Variants in PLXNA2 observed in about 807,000 individuals in gnomAD.
The protein encoded by PLXNA2 is plexin-A2.
Under a neutral mutation model 193.5 loss-of-function variants are expected in PLXNA2, and 91 were observed. That is an observed-to-expected ratio of 0.47 (90% CI 0.40 to 0.56). The LOEUF is 0.56. Ranked by LOEUF, PLXNA2 falls within the 20% of genes least tolerant of loss-of-function variation. The pLI, the probability that PLXNA2 is intolerant of heterozygous loss-of-function variation, is 0.00. For missense variants in PLXNA2, 1,995 were observed against 2,503.2 expected (o/e 0.80, Z 4.33); for synonymous variants, 997 against 1,027.3 (o/e 0.97, Z 0.56).
At position 208,023,755 on chromosome 1, in the gene PLXNA2, G is replaced by T. The variant is rs1048181647; in HGVS notation, c.*3488C>A. 1 of 152,192 alleles carries T rather than the reference G, an allele frequency of 6.6e-6. No homozygotes were observed. Among genetic ancestry groups the T allele is most frequent in the Non-Finnish European group, 1.5e-5 (1 of 68,058 alleles). The allele number at this position is 152,192 out of a possible 1,614,324, so 9.4% of individuals were successfully genotyped here. A position where few individuals can be genotyped will look rare whatever the true frequency, so the allele number is the denominator to read the frequency against. ...CCAGCTTCCTGAAGGATATAAATTCGCTGGAAGAAAGACCTTGGTTTTGTT... is the reference window on the plus strand; with the variant it reads ...CCAGCTTCCTGAAGGATATAAATTCTCTGGAAGAAAGACCTTGGTTTTGTT... On this transcript the variant is annotated 3_prime_UTR_variant, in exon 32 of 32. Coordinates refer to ENST00000367033, the MANE Select transcript of PLXNA2 (RefSeq NM_025179.4).
At position 208,079,429 on chromosome 1, in the gene PLXNA2, G is replaced by C. The variant is rs1666261424; in HGVS notation, c.2417C>G (p.Ala806Gly). Residue 806 changes from alanine (A) to glycine (G), a missense_variant, in exon 12 of 32, where the codon GCC (alanine) becomes GGC (glycine). This residue lies in a region of PLXNA2 where 1,291 missense variants were observed against 1,673.6 expected (regional missense o/e 0.77). Transcript: ENST00000367033. The part of the protein sequence containing the change: ...DLKVHLYKCA[A>G]QRESCGLCLK... ...GCAGAGGCCGCAGCTCTCCCGCTGG[G>C]CTGCACACTTGTAGAGATGGACTGC... 1 of 1,605,252 alleles carries C rather than the reference G, an allele frequency of 6.2e-7. No homozygotes were observed. Among genetic ancestry groups the C allele is most frequent in the African/African-American group, 1.3e-5 (1 of 74,766 alleles).
At chr1:208,218,054 C>A in intron 1 of PLXNA2, 52 bp from the exon 2 acceptor site, 2 of 1,496,280 alleles carry the variant, frequency 1.3e-6, no homozygotes, top group Non-Finnish European at 1.8e-6. Flanking sequence ...CCGGGAGGAG[C>A]AAAGAGGCTG....
chr1:208,112,527 G>T (rs1667513545), intron 4 of PLXNA2, among the ~76,000 whole-genome samples: 1 of 152,228 alleles, frequency 6.6e-6, no homozygotes, highest in African/African-American at 2.4e-5. Context: ...GTGCTCAATA[G>T]TGGTAGTTAC....
At chr1:208,096,943 TCCAGCC>T in intron 6 of PLXNA2, 60 bp from the exon 7 acceptor site, 1 of 1,536,316 alleles carries the variant, frequency 6.5e-7, no homozygotes, top group Non-Finnish European at 8.8e-7. Flanking sequence ...GGACTCCAGG[TCCAGCC>T]CTGCTGTGAC....
chr1:208,028,801 C>T lies in PLXNA2; in HGVS notation c.5438+29G>A, dbSNP rs375811905. On this transcript the variant is annotated intron_variant, in intron 30 of 31. Transcript: ENST00000367033. This position sits in a 1 kb window ranked among gnomAD's most constrained non-coding sequence, Gnocchi z 4.2. ...CGGGGAATGGGCAGGGAGACAAGGG[C>T]ATGGGCCTGTCCTGAGGGTGCTACT... 2.5e-6 allele frequency: 4 copies of T among 1,594,958 alleles called. No homozygotes were observed. In the African/African-American group the frequency reaches 4.0e-5, roughly 16 times the overall value.
chr1:208,064,436 G>C (rs1423323374), intron 12 of PLXNA2, among the ~76,000 whole-genome samples: 1 of 152,112 alleles, frequency 6.6e-6, no homozygotes, highest in Non-Finnish European at 1.5e-5. Context: ...TACCCCTTCT[G>C]CCACACTTTC....
intron 3 of PLXNA2, among the ~76,000 whole-genome samples, chr1:208,177,296 C>T (rs1023285767): frequency 2.0e-5 from 3 of 152,026 alleles, no homozygotes; most frequent in African/African-American, 7.2e-5. Flanking sequence ...CAGATACTCA[C>T]CAAGCAGAGG....
intron 4 of PLXNA2, among the ~76,000 whole-genome samples, chr1:208,134,836 T>C (rs974084771): frequency 1.3e-5 from 2 of 152,230 alleles, no homozygotes; most frequent in Non-Finnish European, 2.9e-5. Flanking sequence ...AGGGGACATC[T>C]GGAAGTGTGA....
At chr1:208,155,787 G>A (rs1258242841) in intron 3 of PLXNA2, among the ~76,000 whole-genome samples, 1 of 152,118 alleles carries the variant, frequency 6.6e-6, no homozygotes, top group Non-Finnish European at 1.5e-5. Context: ...CTGGGCTCCA[G>A]CTGTCACAGG....
intron 3 of PLXNA2, among the ~76,000 whole-genome samples, chr1:208,196,260 C>T (rs989446145): frequency 6.6e-6 from 1 of 152,114 alleles, no homozygotes; most frequent in Non-Finnish European, 1.5e-5. Context: ...AAGTAAAATA[C>T]CTGTTTGGTA....
chr1:208,136,611 A>G (rs560922665), intron 4 of PLXNA2, among the ~76,000 whole-genome samples: 135 of 152,204 alleles, frequency 8.9e-4, no homozygotes, highest in Non-Finnish European at 1.7e-3. Context: ...CTGCCTGTAT[A>G]TTGAGGGGAG....
At chr1:208,160,010 TA>T (rs1181324816) in intron 3 of PLXNA2, among the ~76,000 whole-genome samples, 3 of 152,160 alleles carry the variant, frequency 2.0e-5, no homozygotes, top group Non-Finnish European at 4.4e-5. Flanking sequence ...CCAGATGGGC[TA>T]TCAGGTTTGC....
intron 29 of PLXNA2, 194 bp downstream of exon 29, chr1:208,031,396 C>T: frequency 7.3e-7 from 1 of 1,378,232 alleles, no homozygotes; most frequent in Non-Finnish European, 9.5e-7. Context: ...CAGGCAGGCC[C>T]CACTTGGCAC....
intron 12 of PLXNA2, among the ~76,000 whole-genome samples, chr1:208,072,135 G>A (rs1291818405): frequency 6.6e-6 from 1 of 152,168 alleles, no homozygotes; most frequent in Admixed American, 6.5e-5. Context: ...TTCTATAATT[G>A]ATTTTCTTTC....
intron 13 of PLXNA2, among the ~76,000 whole-genome samples, chr1:208,059,275 C>G (rs565353428): frequency 6.6e-6 from 1 of 152,342 alleles, no homozygotes; most frequent in East Asian, 1.9e-4. Context: ...TTTCCTTTCC[C>G]TTTTTCCATC....
At chr1:208,150,929 G>C (rs1201620422) in intron 3 of PLXNA2, among the ~76,000 whole-genome samples, 1 of 152,236 alleles carries the variant, frequency 6.6e-6, no homozygotes, top group Admixed American at 6.5e-5. Flanking sequence ...CTTATGAGAG[G>C]TGAATTACAC....
intron 4 of PLXNA2, among the ~76,000 whole-genome samples, chr1:208,119,807 G>A (rs1646782712): frequency 6.6e-6 from 1 of 152,168 alleles, no homozygotes; most frequent in Admixed American, 6.5e-5. Flanking sequence ...TAGAGATGGG[G>A]TTTCACCATG....
At chr1:208,234,701 G>A (rs941027542) in intron 1 of PLXNA2, among the ~76,000 whole-genome samples, 1 of 152,180 alleles carries the variant, frequency 6.6e-6, no homozygotes, top group Non-Finnish European at 1.5e-5. Context: ...AGGAGCTCTC[G>A]TGAGATGCCT....
chr1:208,173,971 C>T (rs552929343), intron 3 of PLXNA2, among the ~76,000 whole-genome samples: 18 of 152,352 alleles, frequency 1.2e-4, no homozygotes, highest in East Asian at 1.9e-4. Context: ...CGCACCCCCA[C>T]TCACACAGAA....
Sources: gnomAD v4.1 joint callset for allele counts (sites outside exome capture counted in the v4.1 genomes callset) on GRCh38, gnomAD v4.1.1 for gene constraint, gnomAD v4.1.1 regional missense constraint, Gnocchi (gnomAD v3.1) non-coding constraint, MANE v1.5 for transcripts, NCBI Gene and HGNC (gene_info 2026-07-23, HGNC 2026-07-21) for gene names.